The following KCNJ6 variants were observed in gnomAD, a reference collection of about 807,000 sequenced individuals.
The protein encoded by KCNJ6 is G protein-activated inward rectifier potassium channel 2.
A neutral mutation model predicts 34.2 loss-of-function variants in KCNJ6; 9 were observed. The observed-to-expected ratio is 0.26, with a 90% CI of 0.16 to 0.46. The LOEUF is 0.46. KCNJ6 is among the 20% of genes least tolerant of loss of function. The probability of loss-of-function intolerance (pLI) is 1.00; values close to 1 mark genes in which losing one functional copy is unlikely to be tolerated. For synonymous variants in KCNJ6, 196 were observed against 207.1 expected (o/e 0.95, Z 0.46); for missense variants, 236 against 531.3 (o/e 0.44, Z 5.46).
chr21:37,717,972 G>C (rs908789661), intron 2 of KCNJ6, among the ~76,000 whole-genome samples: 3 of 152,228 alleles, frequency 2.0e-5, no homozygotes, highest in Non-Finnish European at 4.4e-5. Context: ...GGAAGAACCT[G>C]TTTTGAAAGG....
At chr21:37,813,315 A>T (rs2055331642) in intron 2 of KCNJ6, among the ~76,000 whole-genome samples, 1 of 152,232 alleles carries the variant, frequency 6.6e-6, no homozygotes, top group East Asian at 1.9e-4. Flanking sequence ...CAATGTTGTT[A>T]AAATGTCGAT....
chr21:37,732,879 G>A (rs549732838), intron 2 of KCNJ6, among the ~76,000 whole-genome samples: 2 of 152,282 alleles, frequency 1.3e-5, no homozygotes, highest in Admixed American at 6.5e-5. Flanking sequence ...TGAGGGTTAA[G>A]AACAAACTGA....
intron 2 of KCNJ6, among the ~76,000 whole-genome samples, chr21:37,839,211 T>G (rs979248789): frequency 3.3e-5 from 5 of 152,300 alleles, no homozygotes; most frequent in African/African-American, 1.2e-4. Context: ...TTTAACATTT[T>G]CAGTTTGCAA....
chr21:37,914,637 G>A (rs979705204), intron 1 of KCNJ6, among the ~76,000 whole-genome samples: 3 of 152,200 alleles, frequency 2.0e-5, no homozygotes, highest in Non-Finnish European at 4.4e-5. Context: ...ATGGAGACTC[G>A]AGCTCTTTTT....
chr21:37,874,334 G>A (rs150683651), intron 1 of KCNJ6, among the ~76,000 whole-genome samples: 165 of 152,216 alleles, frequency 1.1e-3, no homozygotes, highest in African/African-American at 3.5e-3. Flanking sequence ...ATGCCCCAGG[G>A]CTCACTAGGA....
At chr21:37,731,701 C>G (rs952379377) in intron 2 of KCNJ6, among the ~76,000 whole-genome samples, 4 of 152,164 alleles carry the variant, frequency 2.6e-5, no homozygotes, top group Non-Finnish European at 4.4e-5. Flanking sequence ...GCTGAGCAGA[C>G]AGATGGGCTG....
intron 3 of KCNJ6, among the ~76,000 whole-genome samples, chr21:37,636,345 G>A (rs2054358051): frequency 6.6e-6 from 1 of 152,346 alleles, no homozygotes; most frequent in Non-Finnish European, 1.5e-5. Flanking sequence ...CCCAGGACAG[G>A]AAGGCTGCTT....
chr21:37,629,622 C>T (rs2123365820), intron 3 of KCNJ6, among the ~76,000 whole-genome samples: 1 of 152,182 alleles, frequency 6.6e-6, no homozygotes, highest in South Asian at 2.1e-4. Flanking sequence ...ATCTACAAGC[C>T]AAGGAGAGGG....
At chr21:37,766,505 A>T (rs959332462) in intron 2 of KCNJ6, among the ~76,000 whole-genome samples, 1 of 152,198 alleles carries the variant, frequency 6.6e-6, no homozygotes, top group African/African-American at 2.4e-5. Flanking sequence ...AGAAAAAAAT[A>T]ACCAACGGGC....
intron 2 of KCNJ6, among the ~76,000 whole-genome samples, chr21:37,793,666 A>G (rs113407032): frequency 6.6e-6 from 1 of 152,116 alleles, no homozygotes; most frequent in African/African-American, 2.4e-5. Flanking sequence ...CCTGGCAAGA[A>G]TCATGCAAGA....
Position 37,624,722 on chromosome 21 carries a change from G to T in KCNJ6, c.*437C>A, listed in dbSNP as rs2054303030. ...CACCTCACCCTGTAGTAGATGAAAT[G>T]AATTGGGATCCATAAAACTGAGGGC... On this transcript the variant is annotated 3_prime_UTR_variant, in exon 4 of 4. Transcript: ENST00000609713. 1 of 176,024 alleles carries T rather than the reference G, an allele frequency of 5.7e-6. No individual in the cohort carries two copies. The highest frequency in any genetic ancestry group is 2.4e-5 in the African/African-American group (1 of 41,796). 10.9% of individuals were successfully genotyped at this position (176,024 alleles called of 1,614,324 possible).
At position 37,714,410 on chromosome 21, in the gene KCNJ6, C is replaced by T. The variant is rs1251745474; in HGVS notation, c.747G>A (p.Glu249=). The T allele has an allele frequency of 6.2e-7, 1 of 1,614,180 alleles. No individual in the cohort carries two copies. The highest frequency in any genetic ancestry group is 1.3e-5 in the African/African-American group (1 of 75,040). The change falls in exon 3 of 4, where the codon GAG becomes GAA. Residue 249 remains glutamate (E), a synonymous_variant. Coordinates refer to ENST00000609713, the MANE Select transcript of KCNJ6 (RefSeq NM_002240.5). This position sits in a 1 kb window ranked among gnomAD's most constrained non-coding sequence, Gnocchi z 5.9. ...TCTGGTTCAACGGGATGAACTCCCC[C>T]TCCGAGGTCTGTTTGGATTTGATCA... ...AKLIKSKQTS[E]GEFIPLNQTD...
At chr21:37,706,420 C>T (rs534995732) in intron 3 of KCNJ6, among the ~76,000 whole-genome samples, 1 of 152,314 alleles carries the variant, frequency 6.6e-6, no homozygotes, top group South Asian at 2.1e-4. Context: ...TAGGCACTGC[C>T]ATATGACTTG....
At chr21:37,753,360 G>A (rs528561976) in intron 2 of KCNJ6, among the ~76,000 whole-genome samples, 8 of 152,280 alleles carry the variant, frequency 5.3e-5, no homozygotes, top group Non-Finnish European at 1.0e-4. Context: ...GCATGTCTGC[G>A]TTTCTTCCTG....
intron 1 of KCNJ6, among the ~76,000 whole-genome samples, chr21:37,870,982 C>T (rs2055648862): frequency 6.6e-6 from 1 of 152,196 alleles, no homozygotes; most frequent in Non-Finnish European, 1.5e-5. Flanking sequence ...TTATCTCTAT[C>T]TACCCAGATT....
chr21:37,733,606 AGGGTTTT>A (rs2054897474), intron 2 of KCNJ6, among the ~76,000 whole-genome samples: 1 of 152,206 alleles, frequency 6.6e-6, no homozygotes, highest in Non-Finnish European at 1.5e-5. Context: ...TCACTTTTTT[AGGGTTTT>A]TTAGGATAAA....
At position 37,912,287 on chromosome 21, in the gene KCNJ6, C is replaced by T. The variant is rs567816616; in HGVS notation, c.-28+3597G>A. 9.8e-5 allele frequency among the ~76,000 whole-genome samples: 15 copies of T among 152,292 alleles called. No individual in the cohort carries two copies. In the South Asian group the frequency reaches 3.1e-3, roughly 32 times the overall value. ...CTATTGACTGAAAAGGGCATAGTGA[C>T]ACTTTGTTAATCAATTAGCCACCTA... is the stretch of plus-strand genomic sequence containing the variant. On this transcript the variant is annotated intron_variant, in intron 1 of 3. Transcript: ENST00000609713.
chr21:37,773,377 T>G (rs577848535), intron 2 of KCNJ6, among the ~76,000 whole-genome samples: 8 of 152,268 alleles, frequency 5.3e-5, no homozygotes, highest in African/African-American at 1.9e-4. Flanking sequence ...CCATGTCCTA[T>G]TTATCTTTAT....
At chr21:37,725,600 G>GT (rs1187153139) in intron 2 of KCNJ6, among the ~76,000 whole-genome samples, 1 of 152,212 alleles carries the variant, frequency 6.6e-6, no homozygotes, top group Non-Finnish European at 1.5e-5. Flanking sequence ...GGAAGGAAGG[G>GT]TAAGAGTAGG....
Sources: gnomAD v4.1 joint callset for allele counts (sites outside exome capture counted in the v4.1 genomes callset) on GRCh38, gnomAD v4.1.1 for gene constraint, Gnocchi (gnomAD v3.1) non-coding constraint, MANE v1.5 for transcripts, NCBI Gene and HGNC (gene_info 2026-07-23, HGNC 2026-07-21) for gene names.